Variants in PLPP4 observed in about 807,000 individuals in gnomAD.
PLPP4 encodes phospholipid phosphatase 4, also known as diacylglycerol pyrophosphate like 2.
PLPP4 carries 20 observed loss-of-function variants against 32.2 expected under a neutral mutation model. The observed-to-expected ratio is 0.62, with a 90% CI of 0.44 to 0.90. The LOEUF (loss-of-function observed/expected upper bound fraction) is 0.90. PLPP4 is among the 40% of genes least tolerant of loss of function. PLPP4 has a pLI of 0.00. For missense variants in PLPP4, 257 were observed against 353.1 expected, an observed-to-expected ratio of 0.73 and a Z score of 2.18; for synonymous variants, 127 against 133.0, an observed-to-expected ratio of 0.95 and a Z score of 0.31.
rs1026964893 is a variant in PLPP4, at chr10:120,504,006, C to T, written c.165+80C>T. 2.7e-5 allele frequency: 26 copies of T among 971,950 alleles called. No homozygotes were observed. The Middle Eastern group carries it at 1.7e-3, about 63-fold the overall frequency. 60.2% of individuals were successfully genotyped at this position (971,950 alleles called of 1,614,324 possible). A position where few individuals can be genotyped will look rare whatever the true frequency, so the allele number is the denominator to read the frequency against. ...TGGGTTTTCATCTTTGTTTTTCTAA[C>T]CCTGAAGACAGTGGGTGGCCTGAGA... On this transcript the variant is annotated intron_variant, in intron 2 of 6. Coordinates refer to ENST00000398250, the MANE Select transcript of PLPP4 (RefSeq NM_001030059.3).
intron 1 of PLPP4, among the ~76,000 whole-genome samples, chr10:120,485,800 A>G (rs532535121): frequency 2.0e-4 from 31 of 152,334 alleles, no homozygotes; most frequent in Middle Eastern, 6.8e-3. Flanking sequence ...CTGCTTGCCC[A>G]TCTCTCCTTG....
intron 3 of PLPP4, among the ~76,000 whole-genome samples, chr10:120,518,403 G>A (rs1270679889): frequency 6.6e-6 from 1 of 152,130 alleles, no homozygotes; most frequent in Non-Finnish European, 1.5e-5. Flanking sequence ...GTCCTTTTCT[G>A]CAGTAGGATT....
chr10:120,476,606 A>C (rs1157495153), intron 1 of PLPP4, among the ~76,000 whole-genome samples: 1 of 152,116 alleles, frequency 6.6e-6, no homozygotes, highest in South Asian at 2.1e-4. Context: ...TGGCCCGCCC[A>C]CTGCGGGTCA....
chr10:120,484,950 C>T (rs1844377073), intron 1 of PLPP4, among the ~76,000 whole-genome samples: 1 of 152,174 alleles, frequency 6.6e-6, no homozygotes, highest in Admixed American at 6.5e-5. Context: ...CAGAGAGATG[C>T]AATGTGTACA....
chr10:120,534,694 T>C (rs1463128722), intron 5 of PLPP4, among the ~76,000 whole-genome samples: 3 of 152,172 alleles, frequency 2.0e-5, no homozygotes, highest in Admixed American at 6.5e-5. Context: ...TAAATTTGCC[T>C]ATTCTTAATT....
At chr10:120,514,708 C>T (rs773009372) in intron 3 of PLPP4, among the ~76,000 whole-genome samples, 17 of 152,096 alleles carry the variant, frequency 1.1e-4, no homozygotes, top group Non-Finnish European at 1.9e-4. Flanking sequence ...ATAGCCAAAA[C>T]GACTTGGCTT....
intron 1 of PLPP4, among the ~76,000 whole-genome samples, chr10:120,471,207 C>T (rs994630535): frequency 2.6e-5 from 4 of 152,082 alleles, no homozygotes; most frequent in African/African-American, 9.7e-5. Flanking sequence ...GGTATGCTAT[C>T]TCTGTCAAAC....
chr10:120,583,536 A>G (rs1347191696), intron 6 of PLPP4, among the ~76,000 whole-genome samples: 2 of 152,174 alleles, frequency 1.3e-5, no homozygotes, highest in Admixed American at 6.5e-5. Context: ...CATTACCACT[A>G]TCTAATTCTA....
intron 3 of PLPP4, 80 bp downstream of exon 3, chr10:120,514,081 C>T: frequency 2.8e-6 from 3 of 1,070,834 alleles, no homozygotes; most frequent in Admixed American, 3.5e-5. Flanking sequence ...CTCAGTTACA[C>T]CCAACTGATT....
chr10:120,524,610 A>G (rs772361132), intron 5 of PLPP4, among the ~76,000 whole-genome samples: 3 of 152,236 alleles, frequency 2.0e-5, no homozygotes, highest in East Asian at 3.8e-4. Context: ...TTAATCTACC[A>G]TAAGCAGCCA....
In PLPP4 at chr10:120,528,034, CTGGTAGA is replaced by C. The variant is rs1366615429; in HGVS notation, c.445+6943_445+6949del. On this transcript the variant is annotated intron_variant, in intron 5 of 6. Transcript: ENST00000398250. ...ATGAAATTGCTGTCAAGGGGTTTTG[CTGGTAGA>C]TGGGAAATTTGAAAAATACCACTCT... Among the ~76,000 whole-genome samples, 4 of 144,874 alleles carry C rather than the reference CTGGTAGA, an allele frequency of 2.8e-5. No individual in the cohort carries two copies. The East Asian group carries it at 8.2e-4, about 30-fold the overall frequency.
chr10:120,500,902 T>C (rs1845216979), intron 1 of PLPP4, among the ~76,000 whole-genome samples: 2 of 152,170 alleles, frequency 1.3e-5, no homozygotes, highest in South Asian at 4.1e-4. Context: ...CCCAACAAGA[T>C]TGTTTTATAG....
chr10:120,582,810 C>T (rs1209555907), intron 6 of PLPP4, among the ~76,000 whole-genome samples: 1 of 132,932 alleles, frequency 7.5e-6, no homozygotes, highest in African/African-American at 2.9e-5. Context: ...TCCCTTCCTT[C>T]CTTCCTTCCT....
intron 3 of PLPP4, among the ~76,000 whole-genome samples, chr10:120,515,186 C>A (rs1325640521): frequency 6.6e-6 from 1 of 152,056 alleles, no homozygotes; most frequent in Non-Finnish European, 1.5e-5. Context: ...CTCTGATAAG[C>A]AATCTCACAG....
intron 3 of PLPP4, among the ~76,000 whole-genome samples, chr10:120,517,891 A>C (rs532107585): frequency 3.3e-5 from 5 of 152,314 alleles, no homozygotes; most frequent in African/African-American, 9.6e-5. Flanking sequence ...CTATATTCTT[A>C]TATAAATCTC....
intron 1 of PLPP4, among the ~76,000 whole-genome samples, chr10:120,460,225 A>G (rs949883529): frequency 6.6e-6 from 1 of 152,222 alleles, no homozygotes; most frequent in Non-Finnish European, 1.5e-5. Flanking sequence ...GTTTAGTACC[A>G]TGAAGTGTGT....
At chr10:120,558,889 T>C (rs1848290891) in intron 5 of PLPP4, among the ~76,000 whole-genome samples, 1 of 152,176 alleles carries the variant, frequency 6.6e-6, no homozygotes, top group Non-Finnish European at 1.5e-5. Context: ...CTCAGATAAA[T>C]TACTTGCAGT....
At chr10:120,544,827 C>T (rs1847535571) in intron 5 of PLPP4, among the ~76,000 whole-genome samples, 1 of 152,216 alleles carries the variant, frequency 6.6e-6, no homozygotes, top group Admixed American at 6.5e-5. Flanking sequence ...TGGTTTGAGG[C>T]TTTGTGTAGC....
intron 5 of PLPP4, among the ~76,000 whole-genome samples, chr10:120,573,358 A>G (rs535900652): frequency 4.9e-4 from 74 of 152,312 alleles, no homozygotes; most frequent in African/African-American, 1.4e-3. Context: ...CTACTTTGGT[A>G]TAATCTTGTG....
Sources: gnomAD v4.1 joint callset for allele counts (sites outside exome capture counted in the v4.1 genomes callset) on GRCh38, gnomAD v4.1.1 for gene constraint, MANE v1.5 for transcripts, NCBI Gene and HGNC (gene_info 2026-07-23, HGNC 2026-07-21) for gene names.